Variants in CTNNA2 observed in about 807,000 individuals in gnomAD.
CTNNA2 encodes the protein catenin alpha 2, also known as catenin alpha-2.
A neutral mutation model predicts 101.0 loss-of-function variants in CTNNA2; 42 were observed. The ratio of observed to expected loss-of-function variants is 0.42; its 90% CI spans 0.32 to 0.54. CTNNA2 has a LOEUF of 0.54. Ranked by LOEUF, CTNNA2 falls within the 20% of genes least tolerant of loss-of-function variation. The pLI, the probability that CTNNA2 is intolerant of heterozygous loss-of-function variation, is 0.14. For synonymous variants in CTNNA2, 450 were observed against 456.4 expected (o/e 0.99, Z 0.18); for missense variants, 871 against 1,223.1 (o/e 0.71, Z 4.29).
intron 2 of CTNNA2, among the ~76,000 whole-genome samples, chr2:79,665,341 G>A (rs892917534): frequency 8.5e-5 from 13 of 152,108 alleles, no homozygotes; most frequent in African/African-American, 3.1e-4. Context: ...AAATGTGCAT[G>A]TATGTGCATG....
chr2:80,245,677 C>T (rs999050414), intron 7 of CTNNA2, among the ~76,000 whole-genome samples: 2 of 151,946 alleles, frequency 1.3e-5, no homozygotes, highest in African/African-American at 4.8e-5. Flanking sequence ...TTTCCCCTGA[C>T]TCCCTATGAC....
intron 9 of CTNNA2, among the ~76,000 whole-genome samples, chr2:80,524,588 C>T (rs1689862193): frequency 6.6e-6 from 1 of 152,134 alleles, no homozygotes; most frequent in Admixed American, 6.5e-5. Context: ...AACTACTTGC[C>T]AATCTCCAAA....
intron 9 of CTNNA2, among the ~76,000 whole-genome samples, chr2:80,500,273 G>T (rs1278251706): frequency 6.6e-6 from 1 of 152,062 alleles, no homozygotes; most frequent in Non-Finnish European, 1.5e-5. Flanking sequence ...TTTTTGTTTT[G>T]TTCTCAAAAC....
intron 4 of CTNNA2, among the ~76,000 whole-genome samples, chr2:79,405,843 T>C (rs1678335466): frequency 6.6e-6 from 1 of 152,100 alleles, no homozygotes; most frequent in Admixed American, 6.6e-5. Flanking sequence ...TGTTGTTTTA[T>C]GCTGCTAAGT....
intron 6 of CTNNA2, among the ~76,000 whole-genome samples, chr2:79,892,416 T>A (rs1684373921): frequency 6.6e-6 from 1 of 151,434 alleles, no homozygotes; most frequent in Non-Finnish European, 1.5e-5. Flanking sequence ...TTACCTGTAT[T>A]AAAAAAAAAC....
intron 2 of CTNNA2, among the ~76,000 whole-genome samples, chr2:79,691,198 G>T (rs1312747020): frequency 6.6e-6 from 1 of 152,104 alleles, no homozygotes; most frequent in East Asian, 1.9e-4. Context: ...TGGTCATACA[G>T]TAAGTAGAAG....
At chr2:80,097,949 G>A (rs188989914) in intron 7 of CTNNA2, among the ~76,000 whole-genome samples, 3 of 151,960 alleles carry the variant, frequency 2.0e-5, no homozygotes, top group East Asian at 1.9e-4. Flanking sequence ...CCATTGGTTC[G>A]AACTTCCTCC....
chr2:79,201,170 A>G (rs1483787894), intron 2 of CTNNA2, among the ~76,000 whole-genome samples: 1 of 152,152 alleles, frequency 6.6e-6, no homozygotes, highest in Non-Finnish European at 1.5e-5. Flanking sequence ...GATTTCGTCA[A>G]GTCAGATAGA....
At chr2:79,630,847 G>A (rs1250418133) in intron 1 of CTNNA2, among the ~76,000 whole-genome samples, 1 of 150,224 alleles carries the variant, frequency 6.7e-6, no homozygotes, top group African/African-American at 2.5e-5. Flanking sequence ...CAACACAGAC[G>A]TTTTTTGGAA....
chr2:80,546,147 A>T lies in CTNNA2; in HGVS notation c.1540+84A>T, dbSNP rs114352445. On this transcript the variant is annotated intron_variant, in intron 11 of 18. Transcript: ENST00000402739. ...AAGGAATGTCTCGCAAATGTCATGG[A>T]TCTGTGTTTCAGGCGCACTCCTTAG... 1,696 of 1,523,992 alleles carry T rather than the reference A, an allele frequency of 1.1e-3. 15 individuals are homozygous for T. The African/African-American group carries it at 0.021, about 19-fold the overall frequency. 94.4% of individuals were successfully genotyped at this position (1,523,992 alleles called of 1,614,324 possible).
At chr2:79,668,254 A>G (rs1352292890) in intron 2 of CTNNA2, among the ~76,000 whole-genome samples, 8 of 133,852 alleles carry the variant, frequency 6.0e-5, no homozygotes, top group African/African-American at 2.9e-4. Flanking sequence ...CTCAAAAAAA[A>G]AAAAAAAAAA....
At chr2:79,452,101 A>G (rs1426497300) in intron 4 of CTNNA2, among the ~76,000 whole-genome samples, 1 of 152,130 alleles carries the variant, frequency 6.6e-6, no homozygotes, top group Non-Finnish European at 1.5e-5. Flanking sequence ...TGGCTACTTA[A>G]CAACATTAAA....
intron 1 of CTNNA2, among the ~76,000 whole-genome samples, chr2:79,568,800 T>C (rs1336755719): frequency 7.2e-6 from 1 of 138,240 alleles, no homozygotes; most frequent in Admixed American, 8.1e-5. Flanking sequence ...GGTGGGTGGA[T>C]CACCTGAGCT....
At chr2:80,595,084 C>T (rs745879687) in intron 15 of CTNNA2, among the ~76,000 whole-genome samples, 12 of 152,084 alleles carry the variant, frequency 7.9e-5, no homozygotes, top group Non-Finnish European at 1.3e-4. Flanking sequence ...CTGTAGATCT[C>T]TTTCAGTAGT....
intron 7 of CTNNA2, among the ~76,000 whole-genome samples, chr2:79,912,897 G>T (rs1018765078): frequency 3.3e-5 from 5 of 152,104 alleles, no homozygotes; most frequent in Non-Finnish European, 7.4e-5. Flanking sequence ...TTCTTTGGTG[G>T]CAGTATAAAC....
At chr2:79,495,386 C>T (rs934032152) in intron 4 of CTNNA2, among the ~76,000 whole-genome samples, 1 of 152,012 alleles carries the variant, frequency 6.6e-6, no homozygotes, top group African/African-American at 2.4e-5. Context: ...TATCATCATC[C>T]ATTAGGTAAA....
intron 2 of CTNNA2, among the ~76,000 whole-genome samples, chr2:79,278,542 G>A (rs534490693): frequency 1.3e-5 from 2 of 152,162 alleles, no homozygotes; most frequent in South Asian, 4.2e-4. Flanking sequence ...GTAATTGTGG[G>A]CAATTTTGAA....
At chr2:79,980,475 G>A (rs1172046395) in intron 7 of CTNNA2, among the ~76,000 whole-genome samples, 1 of 152,044 alleles carries the variant, frequency 6.6e-6, no homozygotes, top group African/African-American at 2.4e-5. Context: ...TAGGCTCTTA[G>A]TGATGCATTT....
At chr2:79,199,758 G>A (rs559769683) in intron 2 of CTNNA2, among the ~76,000 whole-genome samples, 56 of 152,144 alleles carry the variant, frequency 3.7e-4, no homozygotes, top group Non-Finnish European at 7.3e-4. Context: ...AGTTTTTGGT[G>A]AGGGTCCTGT....
Sources: gnomAD v4.1 joint callset for allele counts (sites outside exome capture counted in the v4.1 genomes callset) on GRCh38, gnomAD v4.1.1 for gene constraint, MANE v1.5 for transcripts, NCBI Gene and HGNC (gene_info 2026-07-23, HGNC 2026-07-21) for gene names.